Variants in PLEKHG1 observed in about 807,000 individuals in gnomAD.
The protein encoded by PLEKHG1 is pleckstrin homology domain-containing family G member 1.
In PLEKHG1, 44 loss-of-function variants were observed where a neutral mutation model predicts 100.8. That is an observed-to-expected ratio of 0.44 (90% CI 0.34 to 0.56). The LOEUF is 0.56. Among genes scored for constraint, PLEKHG1 ranks in the 20% least tolerant of loss-of-function variants. PLEKHG1 has a pLI of 0.01. For missense variants in PLEKHG1, 1,545 were observed against 1,720.9 expected (o/e 0.90, Z 1.81); for synonymous variants, 640 against 662.5 (o/e 0.97, Z 0.52).
At chr6:150,821,600 C>T (rs540573579) in intron 13 of PLEKHG1, among the ~76,000 whole-genome samples, 1 of 152,064 alleles carries the variant, frequency 6.6e-6, no homozygotes, top group Non-Finnish European at 1.5e-5. Flanking sequence ...AGGAGAATCG[C>T]CTGAACCTGG....
intron 1 of PLEKHG1, among the ~76,000 whole-genome samples, chr6:150,618,727 C>G (rs1232650924): frequency 6.6e-6 from 1 of 152,048 alleles, no homozygotes; most frequent in East Asian, 1.9e-4. Context: ...ACCTGGCTTA[C>G]AAAATTTCTG....
At chr6:150,815,150 T>G (rs960071486) in intron 10 of PLEKHG1, among the ~76,000 whole-genome samples, 4 of 152,248 alleles carry the variant, frequency 2.6e-5, no homozygotes. Context: ...CCTAAAGTTT[T>G]CAAAATGTAT....
At chr6:150,698,105 C>T (rs1159467545) in intron 3 of PLEKHG1, among the ~76,000 whole-genome samples, 4 of 152,122 alleles carry the variant, frequency 2.6e-5, no homozygotes, top group Non-Finnish European at 5.9e-5. Flanking sequence ...ATTTGCTTTA[C>T]ATAATGAGAT....
In PLEKHG1 at chr6:150,762,418, C is replaced by T. The variant is rs9383841; in HGVS notation, c.412-6220C>T. On this transcript the variant is annotated intron_variant, in intron 2 of 15. Transcript: ENST00000358517. ...TTCGCCATGTTGGCCAGGCTGGTTT[C>T]GAGCTGCTGACCTCTGATAACCTGC... Among the ~76,000 whole-genome samples the T allele has an allele frequency of 2.6e-3, 395 of 151,420 alleles. 14 individuals are homozygous for T. In the East Asian group the frequency reaches 0.061, roughly 23 times the overall value.
At chr6:150,734,312 A>T (rs1319975534) in intron 2 of PLEKHG1, among the ~76,000 whole-genome samples, 1 of 152,200 alleles carries the variant, frequency 6.6e-6, no homozygotes, top group Non-Finnish European at 1.5e-5. Flanking sequence ...AGGAGCAAGA[A>T]TGATGATACA....
chr6:150,745,330 C>A (rs1031044188), intron 2 of PLEKHG1, among the ~76,000 whole-genome samples: 1 of 152,166 alleles, frequency 6.6e-6, no homozygotes, highest in Non-Finnish European at 1.5e-5. Context: ...CCATCAGTGA[C>A]CAAAACGTCG....
intron 4 of PLEKHG1, among the ~76,000 whole-genome samples, chr6:150,788,512 C>A (rs910981733): frequency 1.3e-5 from 2 of 152,172 alleles, no homozygotes; most frequent in Non-Finnish European, 2.9e-5. Flanking sequence ...AGATGGAGAA[C>A]ATGGTTGCTT....
intron 2 of PLEKHG1, 30 bp downstream of exon 3, chr6:150,734,122 C>T: frequency 6.3e-7 from 1 of 1,575,818 alleles, no homozygotes; most frequent in Non-Finnish European, 8.6e-7. Context: ...TAATGTTTGC[C>T]ATGCAGGAGA....
chr6:150,692,558 A>T (rs974788123), intron 3 of PLEKHG1, among the ~76,000 whole-genome samples: 8 of 152,240 alleles, frequency 5.3e-5, no homozygotes, highest in Non-Finnish European at 7.3e-5. Flanking sequence ...AGCATATGTG[A>T]TCTAGAGAAG....
intron 2 of PLEKHG1, among the ~76,000 whole-genome samples, chr6:150,758,022 A>G (rs1375724575): frequency 6.6e-6 from 1 of 152,026 alleles, no homozygotes; most frequent in Non-Finnish European, 1.5e-5. Flanking sequence ...ATTCCTTTTT[A>G]TGGCTGTATA....
intron 2 of PLEKHG1, among the ~76,000 whole-genome samples, chr6:150,646,759 C>T (rs183650231): frequency 3.5e-4 from 53 of 152,246 alleles, no homozygotes; most frequent in African/African-American, 1.1e-3. Context: ...GAATCTATTC[C>T]AAATAGTGAT....
At chr6:150,790,128 CT>C (rs1170262416) in intron 4 of PLEKHG1, among the ~76,000 whole-genome samples, 1 of 152,158 alleles carries the variant, frequency 6.6e-6, no homozygotes, top group African/African-American at 2.4e-5. Context: ...TCAAGCAATT[CT>C]CCTGCCTCCG....
At chr6:150,619,057 G>A (rs1407564773) in intron 1 of PLEKHG1, among the ~76,000 whole-genome samples, 1 of 152,086 alleles carries the variant, frequency 6.6e-6, no homozygotes, top group Non-Finnish European at 1.5e-5. Context: ...ACTCCAGCCT[G>A]GGCAATAGAG....
At chr6:150,750,227 C>A (rs1157686927) in intron 2 of PLEKHG1, among the ~76,000 whole-genome samples, 1 of 152,124 alleles carries the variant, frequency 6.6e-6, no homozygotes, top group Non-Finnish European at 1.5e-5. Flanking sequence ...TTTAGAGGGG[C>A]TATTACTTAA....
At chr6:150,815,247 G>T (rs1351637382) in intron 10 of PLEKHG1, among the ~76,000 whole-genome samples, 1 of 152,178 alleles carries the variant, frequency 6.6e-6, no homozygotes, top group African/African-American at 2.4e-5. Flanking sequence ...CAACACAGCT[G>T]TGGGAAACTC....
intron 2 of PLEKHG1, among the ~76,000 whole-genome samples, chr6:150,746,698 T>C (rs1783182355): frequency 6.6e-6 from 1 of 152,252 alleles, no homozygotes; most frequent in Admixed American, 6.5e-5. Flanking sequence ...AACTATAGCA[T>C]TTGCTATGAA....
chr6:150,683,671 G>A lies in PLEKHG1; in HGVS notation c.-99+32885G>A. 1 of 609,582 alleles carries A rather than the reference G, an allele frequency of 1.6e-6. No individual in the cohort carries two copies. The highest frequency in any genetic ancestry group is 1.9e-5 in the South Asian group (1 of 53,876). 37.8% of individuals were successfully genotyped at this position (609,582 alleles called of 1,614,324 possible). A position where few individuals can be genotyped will look rare whatever the true frequency, so the allele number is the denominator to read the frequency against. On this transcript the variant is annotated intron_variant, in intron 3 of 3. Transcript: ENST00000367326. The surrounding 1 kb of genome is among the most constrained non-coding windows in gnomAD (Gnocchi z 4.0). The stretch of plus-strand genomic sequence containing the variant: ...TATAACTGGCAAACTAAGGATGACA[G>A]AGTGTTCAATGATGCTGTTCAACTT...
chr6:150,644,265 G>A (rs1341123161), intron 2 of PLEKHG1, among the ~76,000 whole-genome samples: 1 of 148,022 alleles, frequency 6.8e-6, no homozygotes, highest in Admixed American at 6.7e-5. Flanking sequence ...CCCTATTAAA[G>A]AACTAATAAA....
chr6:150,730,666 G>A (rs1166913113), intron 1 of PLEKHG1, among the ~76,000 whole-genome samples: 2 of 152,096 alleles, frequency 1.3e-5, no homozygotes, highest in African/African-American at 4.8e-5. Context: ...ACTTTGGGAG[G>A]CCGAGGTGGG....
Sources: gnomAD v4.1 joint callset for allele counts (sites outside exome capture counted in the v4.1 genomes callset) on GRCh38, gnomAD v4.1.1 for gene constraint, Gnocchi (gnomAD v3.1) non-coding constraint, MANE v1.5 for transcripts, NCBI Gene and HGNC (gene_info 2026-07-23, HGNC 2026-07-21) for gene names.